Variants in PHF12 observed in about 807,000 individuals in gnomAD.
PHF12 encodes PHD finger protein 12.
In PHF12, 6 loss-of-function variants were observed where a neutral mutation model predicts 99.8. The ratio of observed to expected loss-of-function variants is 0.06; its 90% CI spans 0.03 to 0.12. The LOEUF (loss-of-function observed/expected upper bound fraction) is 0.12, where lower values mean the gene tolerates loss of function less well. Among genes scored for constraint, PHF12 ranks in the 10% least tolerant of loss-of-function variants. The pLI is 1.00. For synonymous variants in PHF12, 480 were observed against 514.9 expected (o/e 0.93, Z 0.92); for missense variants, 954 against 1,300.1 (o/e 0.73, Z 4.09).
At chr17:28,927,890 C>G (rs1245136322) in intron 2 of PHF12, 1 of 152,254 alleles carries the variant, frequency 6.6e-6, no homozygotes, top group Non-Finnish European at 1.5e-5. Flanking sequence ...GCTGGTGGAT[C>G]ACTCGAGATC....
At chr17:28,908,013 G>T (rs746439563) in intron 12 of PHF12, 7 of 211,604 alleles carry the variant, frequency 3.3e-5, no homozygotes, top group Non-Finnish European at 5.8e-5. Flanking sequence ...TAAAGAAAGG[G>T]AAGTTTCTAG....
At chr17:28,919,809 T>A (rs1054007661) in intron 5 of PHF12, among the ~76,000 whole-genome samples, 1 of 152,146 alleles carries the variant, frequency 6.6e-6, no homozygotes, top group Non-Finnish European at 1.5e-5. Context: ...TCCCATTAGG[T>A]TCTTCATTAT....
chr17:28,949,989 G>A lies in PHF12; in HGVS notation c.248+76C>T. On this transcript the variant is annotated intron_variant, in intron 2 of 14. Transcript: ENST00000332830. This position sits in a 1 kb window ranked among gnomAD's most constrained non-coding sequence, Gnocchi z 4.6. The stretch of plus-strand genomic sequence containing the variant: ...GCTGCAAGCGCCCGTTATTTCGGCA[G>A]TCAGGGGCAGGCCGGGTGAAGGAAT... 1 of 1,441,226 alleles carries A rather than the reference G, an allele frequency of 6.9e-7. No individual in the cohort carries two copies. The highest frequency in any genetic ancestry group is 9.2e-7 in the Non-Finnish European group (1 of 1,081,926). The allele number at this position is 1,441,226 out of a possible 1,614,324, so 89.3% of individuals were successfully genotyped here. A position where few individuals can be genotyped will look rare whatever the true frequency, so the allele number is the denominator to read the frequency against.
chr17:28,942,462 G>T (rs1177194333), intron 2 of PHF12, among the ~76,000 whole-genome samples: 1 of 152,050 alleles, frequency 6.6e-6, no homozygotes, highest in Non-Finnish European at 1.5e-5. Flanking sequence ...CAAGGTTACT[G>T]TGAGTTATGA....
In PHF12 at chr17:28,906,228, G is replaced by C; in HGVS notation, c.2970C>G (p.Leu990=). The change falls in exon 15 of 15, where the codon CTC becomes CTG. Residue 990 remains leucine (L), a synonymous_variant. Coordinates refer to ENST00000332830, the MANE Select transcript of PHF12 (RefSeq NM_001033561.2). The surrounding 1 kb of genome is among the most constrained non-coding windows in gnomAD (Gnocchi z 4.2). Reference sequence around the variant, plus strand: ...GCAGCACAGGGCCCTGGTGGGGCTTGAGAGAGAGCTTCTCGGCCAAGACCC... The same window carrying C: ...GCAGCACAGGGCCCTGGTGGGGCTTCAGAGAGAGCTTCTCGGCCAAGACCC... ...QDGVLAEKLS[L]KPHQGPVLRS... The C allele has an allele frequency of 1.2e-6, 2 of 1,611,732 alleles. No homozygotes were observed. The highest frequency in any genetic ancestry group is 1.7e-6 in the Non-Finnish European group (2 of 1,178,266).
chr17:28,929,348 T>C (rs2040353646), intron 2 of PHF12, among the ~76,000 whole-genome samples: 1 of 151,892 alleles, frequency 6.6e-6, no homozygotes, highest in East Asian at 2.0e-4. Context: ...GTTCAAGCAA[T>C]TCTCCCGCCT....
rs1440117303 is a variant in PHF12, at chr17:28,906,174, C to A, written c.*9G>T. ...GGTGTACAGGCCAGTGGCGGGGTAGCCGCCAGTCCTAAGGAACAGAGTTGG... is the reference window on the plus strand; with the variant it reads ...GGTGTACAGGCCAGTGGCGGGGTAGACGCCAGTCCTAAGGAACAGAGTTGG... On this transcript the variant is annotated 3_prime_UTR_variant, in exon 15 of 15. Transcript: ENST00000332830. The surrounding 1 kb of genome is among the most constrained non-coding windows in gnomAD (Gnocchi z 4.2). The A allele has an allele frequency of 6.4e-7, 1 of 1,551,490 alleles. No individual in the cohort carries two copies.
intron 2 of PHF12, among the ~76,000 whole-genome samples, chr17:28,929,074 C>T (rs543991253): frequency 1.7e-3 from 265 of 151,574 alleles, no homozygotes; most frequent in Non-Finnish European, 3.0e-3. Flanking sequence ...CCAGCCTGGG[C>T]GACAGAGTGA....
Position 28,912,843 on chromosome 17 carries a change from T to G in PHF12, c.1728A>C (p.Ser576=). Residue 576 remains serine (S), a synonymous_variant, in exon 9 of 15, where the codon TCA becomes TCC. Transcript: ENST00000332830. ...GGGGCCGGGGCCAGCCTTGCCGGTGTGAGAGGCCTGGTAGTGGGGTGTTAG... is the reference window on the plus strand; with the variant it reads ...GGGGCCGGGGCCAGCCTTGCCGGTGGGAGAGGCCTGGTAGTGGGGTGTTAG... ...PGANTPLPGL[S]HRQGWPRPLT... 1.2e-6 allele frequency: 2 copies of G among 1,608,446 alleles called. No homozygotes were observed. The highest frequency in any genetic ancestry group is 1.7e-6 in the Non-Finnish European group (2 of 1,176,258).
chr17:28,934,433 TGAG>T (rs2040469255), intron 2 of PHF12, among the ~76,000 whole-genome samples: 1 of 152,116 alleles, frequency 6.6e-6, no homozygotes, highest in Non-Finnish European at 1.5e-5. Context: ...TTAAGGATCG[TGAG>T]GAGTTCAGGA....
intron 2 of PHF12, among the ~76,000 whole-genome samples, chr17:28,946,068 G>A (rs1049158374): frequency 1.3e-5 from 2 of 151,690 alleles, no homozygotes; most frequent in African/African-American, 2.4e-5. Flanking sequence ...CCCGGGAGGC[G>A]TTGCAGTGAG....
chr17:28,906,776 A>G lies in PHF12; in HGVS notation c.2680+80T>C. On this transcript the variant is annotated intron_variant, in intron 14 of 14. Coordinates refer to ENST00000332830, the MANE Select transcript of PHF12 (RefSeq NM_001033561.2). The surrounding 1 kb of genome is among the most constrained non-coding windows in gnomAD (Gnocchi z 4.2). ...TGGCCAATAGGACTGGGAAGGCAAG[A>G]GACAGACCATGGGCAGCAAGTCAGA... 4 of 1,513,304 alleles carry G rather than the reference A, an allele frequency of 2.6e-6. No homozygotes were observed. In the South Asian group the frequency reaches 5.1e-5, roughly 19 times the overall value. The allele number at this position is 1,513,304 out of a possible 1,614,324, so 93.7% of individuals were successfully genotyped here. A position where few individuals can be genotyped will look rare whatever the true frequency, so the allele number is the denominator to read the frequency against.
chr17:28,916,392 C>T (rs1408431152), intron 7 of PHF12, among the ~76,000 whole-genome samples: 1 of 152,214 alleles, frequency 6.6e-6, no homozygotes, highest in African/African-American at 2.4e-5. Context: ...GACGGGGTTT[C>T]ACCACGTTGG....
chr17:28,939,250 A>C, intron 2 of PHF12, among the ~76,000 whole-genome samples: 1 of 152,192 alleles, frequency 6.6e-6, no homozygotes, highest in East Asian at 1.9e-4. Flanking sequence ...AAAAATGACA[A>C]AGCAAAACAA....
At chr17:28,917,175 C>G (rs1178534428) in intron 7 of PHF12, 110 bp downstream of exon 7, 2 of 1,460,562 alleles carry the variant, frequency 1.4e-6, no homozygotes, top group Non-Finnish European at 1.9e-6. Flanking sequence ...CACCACAAAC[C>G]TATTTCTGGG....
In PHF12 at chr17:28,913,069, C is replaced by T; in HGVS notation, c.1502G>A (p.Ser501Asn). ...HYPLSCPSGISTQNSLSCSPP... is the reference protein window; with the variant it reads ...HYPLSCPSGINTQNSLSCSPP... ...AGAGCAGCTCAGGGAATTCTGGGTG[C>T]TAATCCCTGAGGGGCAGGACAAGGG... is the stretch of plus-strand genomic sequence containing the variant. The change falls in exon 9 of 15, where the codon AGC (serine) becomes AAC (asparagine). Residue 501 changes from serine to asparagine, a missense_variant. Ser to Asn is a conservative substitution (Grantham distance 46, BLOSUM62 1). This residue lies in a region of PHF12 where 392 missense variants were observed against 423.1 expected (regional missense o/e 0.93). Coordinates refer to ENST00000332830, the MANE Select transcript of PHF12 (RefSeq NM_001033561.2). 1 of 1,614,112 alleles carries T rather than the reference C, an allele frequency of 6.2e-7. No homozygotes were observed. The highest frequency in any genetic ancestry group is 8.5e-7 in the Non-Finnish European group (1 of 1,180,010).
At chr17:28,936,650 C>G (rs2040515302) in intron 2 of PHF12, among the ~76,000 whole-genome samples, 1 of 152,178 alleles carries the variant, frequency 6.6e-6, no homozygotes, top group East Asian at 1.9e-4. Context: ...AATAAAACAT[C>G]AGTTGGACTA....
chr17:28,921,597 A>G lies in PHF12; in HGVS notation c.836+91T>C, dbSNP rs530501352. The G allele has an allele frequency of 6.3e-4, 938 of 1,490,372 alleles. 1 individual carries two copies. Among genetic ancestry groups the G allele is most frequent in the Admixed American group, 2.1e-3 (115 of 56,072 alleles). The allele number at this position is 1,490,372 out of a possible 1,614,324, so 92.3% of individuals were successfully genotyped here. A position where few individuals can be genotyped will look rare whatever the true frequency, so the allele number is the denominator to read the frequency against. On this transcript the variant is annotated intron_variant, in intron 5 of 14. Transcript: ENST00000332830. ...TACTATCAGAATATGGGCTGTTCAC[A>G]TTTAACATACATGGTCTGGAAGAGG...
chr17:28,947,967 T>C (rs76099707), intron 2 of PHF12, among the ~76,000 whole-genome samples: 2,524 of 152,300 alleles, frequency 0.017, 61 homozygotes, highest in African/African-American at 0.057. Flanking sequence ...CCCTCCTTCT[T>C]TCTCCTTTCA....
Sources: gnomAD v4.1 joint callset for allele counts (sites outside exome capture counted in the v4.1 genomes callset) on GRCh38, gnomAD v4.1.1 for gene constraint, gnomAD v4.1.1 regional missense constraint, Gnocchi (gnomAD v3.1) non-coding constraint, MANE v1.5 for transcripts, NCBI Gene and HGNC (gene_info 2026-07-23, HGNC 2026-07-21) for gene names.